The following SIN3A variants were observed in gnomAD, a reference collection of about 807,000 sequenced individuals.
SIN3A encodes the protein paired amphipathic helix protein Sin3a.
A neutral mutation model predicts 146.1 loss-of-function variants in SIN3A; 14 were observed. The observed-to-expected ratio is 0.10, with a 90% confidence interval of 0.06 to 0.15. SIN3A has a LOEUF of 0.15. Ranked by LOEUF, SIN3A falls within the 10% of genes least tolerant of loss-of-function variation. SIN3A has a pLI of 1.00. For synonymous variants in SIN3A, 572 were observed against 572.0 expected (o/e 1.00, Z 0.00); for missense variants, 1,028 against 1,576.0 (o/e 0.65, Z 5.89).
intron 20 of SIN3A, among the ~76,000 whole-genome samples, chr15:75,373,998 T>A (rs1174441875): frequency 6.6e-6 from 1 of 152,174 alleles, no homozygotes; most frequent in Non-Finnish European, 1.5e-5. Context: ...AGTTTTGTAG[T>A]CCTTTCAAAC....
At chr15:75,393,937 A>T (rs1001367285) in intron 14 of SIN3A, among the ~76,000 whole-genome samples, 1 of 152,018 alleles carries the variant, frequency 6.6e-6, no homozygotes, top group African/African-American at 2.4e-5. Context: ...TCTGCCGAGT[A>T]GCTGGGACTA....
chr15:75,398,544 G>A (rs921537604), intron 12 of SIN3A, among the ~76,000 whole-genome samples: 2 of 151,966 alleles, frequency 1.3e-5, no homozygotes, highest in African/African-American at 2.4e-5. Context: ...CGGGTGTAGC[G>A]GCATACACCT....
chr15:75,446,776 CT>C (rs1245390520), intron 1 of SIN3A, among the ~76,000 whole-genome samples: 3 of 149,138 alleles, frequency 2.0e-5, no homozygotes, highest in Non-Finnish European at 3.0e-5. Flanking sequence ...CAGACATATC[CT>C]TTTTTTTTTC....
intron 1 of SIN3A, among the ~76,000 whole-genome samples, chr15:75,444,152 T>C (rs2074264473): frequency 6.6e-6 from 1 of 151,890 alleles, no homozygotes; most frequent in African/African-American, 2.4e-5. Context: ...CTAAAATGAG[T>C]TTATTCCTTT....
intron 2 of SIN3A, among the ~76,000 whole-genome samples, chr15:75,424,190 T>A (rs2073886583): frequency 6.6e-6 from 1 of 151,996 alleles, no homozygotes; most frequent in African/African-American, 2.4e-5. Context: ...CCCAGCACTT[T>A]GGGAGGCCGA....
intron 1 of SIN3A, among the ~76,000 whole-genome samples, chr15:75,437,339 G>GT (rs1462736304): frequency 5.3e-5 from 8 of 151,972 alleles, no homozygotes; most frequent in Non-Finnish European, 1.2e-4. Flanking sequence ...TCTAACTTTT[G>GT]TATTTTTTGT....
intron 1 of SIN3A, among the ~76,000 whole-genome samples, chr15:75,433,790 C>G (rs948525828): frequency 1.3e-5 from 2 of 152,012 alleles, no homozygotes; most frequent in African/African-American, 4.8e-5. Flanking sequence ...GCCTGGGCGA[C>G]AGAGCAAGAC....
At chr15:75,424,344 G>C (rs1354577909) in intron 2 of SIN3A, among the ~76,000 whole-genome samples, 1 of 151,490 alleles carries the variant, frequency 6.6e-6, no homozygotes, top group African/African-American at 2.4e-5. Flanking sequence ...TGAGGCAGGA[G>C]AATTGCTTGA....
rs200956249 is a variant in SIN3A, at chr15:75,422,643, C to T, written c.366+4G>A. On this transcript the variant is annotated splice_donor_region_variant and intron_variant, in intron 3 of 20. Transcript: ENST00000394947. ...TTGACCCAAGAAAAAGAGCTGAATA[C>T]CACCTTCAGCCTCTGAAATTGCTGC... 1 of 1,614,164 alleles carries T rather than the reference C, an allele frequency of 6.2e-7. No homozygotes were observed. Among genetic ancestry groups the T allele is most frequent in the Non-Finnish European group, 8.5e-7 (1 of 1,179,998 alleles).
chr15:75,414,929 A>G (rs1201813336), intron 3 of SIN3A, among the ~76,000 whole-genome samples: 2 of 152,354 alleles, frequency 1.3e-5, no homozygotes, highest in African/African-American at 4.8e-5. Flanking sequence ...GAAATCTGAA[A>G]ACAGTTTAGT....
chr15:75,445,380 C>CAAAAA (rs10539996), intron 1 of SIN3A, among the ~76,000 whole-genome samples: 2 of 63,606 alleles, frequency 3.1e-5, no homozygotes, highest in African/African-American at 6.8e-5. Context: ...GACACTGTCT[C>CAAAAA]AAAAAAAAAA....
chr15:75,435,834 G>A (rs1002434801), intron 1 of SIN3A, among the ~76,000 whole-genome samples: 5 of 151,970 alleles, frequency 3.3e-5, no homozygotes, highest in Non-Finnish European at 7.4e-5. Context: ...TGCATTGAAA[G>A]AAAAATGTGC....
At chr15:75,376,877 A>C (rs936754586) in intron 19 of SIN3A, among the ~76,000 whole-genome samples, 8 of 151,034 alleles carry the variant, frequency 5.3e-5, no homozygotes, top group South Asian at 2.1e-4. Flanking sequence ...AAAAAAAAAA[A>C]AAAAAACCAA....
At chr15:75,452,779 A>T (rs963925047), upstream of SIN3A, among the ~76,000 whole-genome samples, 3 of 152,238 alleles carry the variant, frequency 2.0e-5, no homozygotes, top group Admixed American at 1.3e-4. Flanking sequence ...GGAAAACACC[A>T]AAACAGGCCA....
chr15:75,403,124 T>C lies in SIN3A; in HGVS notation c.1408-1154A>G, dbSNP rs192516904. Among the ~76,000 whole-genome samples the C allele has an allele frequency of 5.4e-4, 82 of 152,140 alleles. 1 individual carries two copies. The highest frequency in any genetic ancestry group is 6.5e-4 in the Admixed American group (10 of 15,284). The stretch of plus-strand genomic sequence containing the variant: ...GAATCATTTTACTATTCTGTTTATG[T>C]ATGTTCAAAATTTTCCAGCTGGGCG... On this transcript the variant is annotated intron_variant, in intron 9 of 20. Coordinates refer to ENST00000394947, the MANE Select transcript of SIN3A (RefSeq NM_001145358.2).
At chr15:75,384,106 G>A (rs1439611652) in intron 17 of SIN3A, 158 bp downstream of exon 17, 4 of 464,430 alleles carry the variant, frequency 8.6e-6, no homozygotes, top group African/African-American at 8.0e-5. Context: ...TGTCCAGGAA[G>A]ACAATTACTT....
intron 3 of SIN3A, chr15:75,419,263 G>C (rs2073799736): frequency 6.6e-6 from 1 of 152,076 alleles, no homozygotes; most frequent in Admixed American, 6.6e-5. Flanking sequence ...ATACTAAAAT[G>C]TTTCATTAAT....
intron 16 of SIN3A, 103 bp downstream of exon 16, chr15:75,389,549 A>C: frequency 9.0e-7 from 1 of 1,114,148 alleles, no homozygotes; most frequent in Non-Finnish European, 1.3e-6. Flanking sequence ...CTACGTTCAT[A>C]AACACTGTTA....
chr15:75,414,260 G>T lies in SIN3A; in HGVS notation c.418C>A (p.Gln140Lys). Residue 140 changes from glutamine to lysine, a missense_variant, in exon 4 of 21, where the codon CAG becomes AAG. Transcript: ENST00000394947. ...LDQVKLQFGS[Q>K]PQVYNDFLDI... The stretch of plus-strand genomic sequence containing the variant: ...AGGAAATCATTGTAGACCTGAGGCT[G>T]ACTACCAAACTGCAGCTTCACCTGG... 6.4e-7 allele frequency: 1 copy of T among 1,557,472 alleles called. No individual in the cohort carries two copies.
Sources: allele counts gnomAD v4.1 joint callset (sites outside exome capture counted in the v4.1 genomes callset), GRCh38; gene constraint gnomAD v4.1.1; transcripts MANE v1.5; gene names NCBI Gene and HGNC (gene_info 2026-07-23, HGNC 2026-07-21).